Variants in NCS1 observed in about 807,000 individuals in gnomAD.
NCS1 encodes frequenin homolog.
Under a neutral mutation model 28.4 loss-of-function variants are expected in NCS1, and 6 were observed. The ratio of observed to expected loss-of-function variants is 0.21; its 90% CI spans 0.12 to 0.42. NCS1 has a LOEUF of 0.42. NCS1 is among the 10% of genes least tolerant of loss of function. The pLI is 1.00. For synonymous variants in NCS1, 86 were observed against 99.3 expected (o/e 0.87, Z 0.79); for missense variants, 131 against 241.4 (o/e 0.54, Z 3.03).
Position 130,177,512 on chromosome 9 carries a change from C to T in NCS1, c.64+4785C>T, listed in dbSNP as rs974194172. Among the ~76,000 whole-genome samples, 1 of 152,300 alleles carries T rather than the reference C, an allele frequency of 6.6e-6. No individual in the cohort carries two copies. Among genetic ancestry groups the T allele is most frequent in the African/African-American group, 2.4e-5 (1 of 41,570 alleles). ...CGGCCGTCCCTGTACATCCCGTGTG[C>T]GTGGGCATGAACCAAGGAGGCCTTT... On this transcript the variant is annotated intron_variant, in intron 1 of 7. Transcript: ENST00000372398. This position sits in a 1 kb window ranked among gnomAD's most constrained non-coding sequence, Gnocchi z 4.4.
At chr9:130,199,476 T>C (rs939649477) in intron 1 of NCS1, among the ~76,000 whole-genome samples, 4 of 152,224 alleles carry the variant, frequency 2.6e-5, no homozygotes, top group Admixed American at 1.3e-4. Context: ...AGGAGAGTGC[T>C]GACCAGCACG....
At position 130,192,745 on chromosome 9, in the gene NCS1, G is replaced by T. The variant is rs373252800; in HGVS notation, c.65-8213G>T. The stretch of plus-strand genomic sequence containing the variant: ...CCCAGGAGCCGGTGCTGCAGTGAGT[G>T]GGGGGAGTGATCTGAGGCCTTGTGT... On this transcript the variant is annotated intron_variant, in intron 1 of 7. Coordinates refer to ENST00000372398, the MANE Select transcript of NCS1 (RefSeq NM_014286.4). The surrounding 1 kb of genome is among the most constrained non-coding windows in gnomAD (Gnocchi z 4.8). Among the ~76,000 whole-genome samples, 75 of 152,264 alleles carry T rather than the reference G, an allele frequency of 4.9e-4. No individual in the cohort carries two copies. Among genetic ancestry groups the T allele is most frequent in the East Asian group, 4.1e-3 (21 of 5,176 alleles).
At chr9:130,176,676 C>T (rs901167558) in intron 1 of NCS1, among the ~76,000 whole-genome samples, 2 of 152,238 alleles carry the variant, frequency 1.3e-5, no homozygotes, top group Non-Finnish European at 2.9e-5. Context: ...CCTGCTCTTA[C>T]GTGTAGCGGC....
intron 2 of NCS1, among the ~76,000 whole-genome samples, chr9:130,208,217 T>G (rs1833054087): frequency 1.0e-5 from 1 of 98,668 alleles, no homozygotes; most frequent in African/African-American, 4.1e-5. Flanking sequence ...GTCGTGGGTG[T>G]GTGAGGTGGG....
At chr9:130,218,396 G>A (rs1833220581) in intron 3 of NCS1, among the ~76,000 whole-genome samples, 1 of 152,198 alleles carries the variant, frequency 6.6e-6, no homozygotes, top group Non-Finnish European at 1.5e-5. Flanking sequence ...ACTTGCAGGT[G>A]CACACACGTG....
Position 130,180,011 on chromosome 9 carries a change from CTATCTATCT to C in NCS1, c.64+7285_64+7293del, listed in dbSNP as rs1215279572. 1.5e-5 allele frequency among the ~76,000 whole-genome samples: 2 copies of C among 131,836 alleles called. No individual in the cohort carries two copies. Among genetic ancestry groups the C allele is most frequent in the Non-Finnish European group, 3.2e-5 (2 of 62,076 alleles). 86.5% of individuals were successfully genotyped at this position (131,836 alleles called of 152,430 possible). A position where few individuals can be genotyped will look rare whatever the true frequency, so the allele number is the denominator to read the frequency against. The stretch of plus-strand genomic sequence containing the variant: ...GCCTTCTTTTTATCTATCTATCTAT[CTATCTATCT>C]ATCTATCTATCTATCTATCTATCTA... On this transcript the variant is annotated intron_variant, in intron 1 of 7. Transcript: ENST00000372398. The surrounding 1 kb of genome is among the most constrained non-coding windows in gnomAD (Gnocchi z 4.5).
chr9:130,188,423 CTTTT>C (rs34686734), intron 1 of NCS1, among the ~76,000 whole-genome samples: 7 of 138,204 alleles, frequency 5.1e-5, no homozygotes, highest in African/African-American at 1.1e-4. Flanking sequence ...CTGAACTTTC[CTTTT>C]TTTTTTTTTT....
rs375916759 is a variant in NCS1, at chr9:130,226,019, C to T, written c.475-370C>T. Among the ~76,000 whole-genome samples, 3 of 152,298 alleles carry T rather than the reference C, an allele frequency of 2.0e-5. No individual in the cohort carries two copies. Among genetic ancestry groups the T allele is most frequent in the East Asian group, 3.9e-4 (2 of 5,180 alleles). On this transcript the variant is annotated intron_variant, in intron 6 of 7. Transcript: ENST00000372398. This position sits in a 1 kb window ranked among gnomAD's most constrained non-coding sequence, Gnocchi z 4.8. Reference sequence around the variant, plus strand: ...CCAAGAGTGACCCCAGAGAACTGCACGAGGCTCTCAGCCTTGTCAGTTACT... The same window carrying T: ...CCAAGAGTGACCCCAGAGAACTGCATGAGGCTCTCAGCCTTGTCAGTTACT...
intron 2 of NCS1, among the ~76,000 whole-genome samples, chr9:130,216,959 A>C (rs553377051): frequency 7.1e-6 from 1 of 140,032 alleles, no homozygotes; most frequent in South Asian, 2.2e-4. Context: ...CCAGTTTGTG[A>C]ATTGGGTTTA....
Position 130,219,527 on chromosome 9 carries a change from C to G in NCS1, c.229-198C>G, listed in dbSNP as rs563126783. ...CTGGCCTCTCCCACTTCTAACCCCC[C>G]ACACAGTCCCCCAGCCTCTGCTCCC... On this transcript the variant is annotated intron_variant, in intron 3 of 7. Coordinates refer to ENST00000372398, the MANE Select transcript of NCS1 (RefSeq NM_014286.4). The surrounding 1 kb of genome is among the most constrained non-coding windows in gnomAD (Gnocchi z 5.7). Among the ~76,000 whole-genome samples, 7 of 151,972 alleles carry G rather than the reference C, an allele frequency of 4.6e-5. No homozygotes were observed. The highest frequency in any genetic ancestry group is 2.1e-4 in the South Asian group (1 of 4,810).
At chr9:130,188,680 G>A (rs907789733) in intron 1 of NCS1, among the ~76,000 whole-genome samples, 6 of 151,146 alleles carry the variant, frequency 4.0e-5, no homozygotes, top group African/African-American at 1.5e-4. Context: ...CAAAGTGCTG[G>A]GATTACAGGC....
Position 130,177,437 on chromosome 9 carries a change from C to T in NCS1, c.64+4710C>T, listed in dbSNP as rs1289437471. 4.6e-5 allele frequency among the ~76,000 whole-genome samples: 7 copies of T among 152,108 alleles called. No homozygotes were observed. Among genetic ancestry groups the T allele is most frequent in the East Asian group, 1.9e-4 (1 of 5,196 alleles). ...GGGACATGGAGGGCCCACAGCCAGG[C>T]ACAGGGTGAGCCACAAGGAGAGGAA... On this transcript the variant is annotated intron_variant, in intron 1 of 7. Transcript: ENST00000372398. The surrounding 1 kb of genome is among the most constrained non-coding windows in gnomAD (Gnocchi z 4.4).
In NCS1 at chr9:130,186,850, T is replaced by C. The variant is rs1832744967; in HGVS notation, c.65-14108T>C. ...GGTGCTGATGGCGGGAGGGCCCTGATGGCAGGAGGGCCCGTGCTGTGCTCA... is the reference window on the plus strand; with the variant it reads ...GGTGCTGATGGCGGGAGGGCCCTGACGGCAGGAGGGCCCGTGCTGTGCTCA... On this transcript the variant is annotated intron_variant, in intron 1 of 7. Coordinates refer to ENST00000372398, the MANE Select transcript of NCS1 (RefSeq NM_014286.4). This position sits in a 1 kb window ranked among gnomAD's most constrained non-coding sequence, Gnocchi z 4.1. Among the ~76,000 whole-genome samples, 1 of 152,174 alleles carries C rather than the reference T, an allele frequency of 6.6e-6. No individual in the cohort carries two copies. The highest frequency in any genetic ancestry group is 1.9e-4 in the East Asian group (1 of 5,184).
At chr9:130,188,021 G>A (rs1219948300) in intron 1 of NCS1, among the ~76,000 whole-genome samples, 1 of 152,246 alleles carries the variant, frequency 6.6e-6, no homozygotes, top group South Asian at 2.1e-4. Context: ...GGGAGATGGG[G>A]GGTGGTGGCC....
Position 130,233,520 on chromosome 9 carries a change from C to G in NCS1, c.*548C>G, listed in dbSNP as rs1833526987. The G allele has an allele frequency of 6.6e-6, 1 of 152,542 alleles. No individual in the cohort carries two copies. The highest frequency in any genetic ancestry group is 1.5e-5 in the Non-Finnish European group (1 of 68,038). 9.4% of individuals were successfully genotyped at this position (152,542 alleles called of 1,614,324 possible). ...CGTTATTTGTCGTCCCATCTTTTGG[C>G]AGCAAAACCACCTGCGTGGCTAGGA... On this transcript the variant is annotated 3_prime_UTR_variant, in exon 8 of 8. Coordinates refer to ENST00000372398, the MANE Select transcript of NCS1 (RefSeq NM_014286.4). This position sits in a 1 kb window ranked among gnomAD's most constrained non-coding sequence, Gnocchi z 4.8.
chr9:130,189,685 T>C (rs1413069316), intron 1 of NCS1, among the ~76,000 whole-genome samples: 18 of 151,364 alleles, frequency 1.2e-4, no homozygotes, highest in African/African-American at 4.1e-4. Context: ...CTACTAAAAA[T>C]ACAAAAATTA....
At chr9:130,204,612 C>T (rs1322978519) in intron 2 of NCS1, among the ~76,000 whole-genome samples, 1 of 152,216 alleles carries the variant, frequency 6.6e-6, no homozygotes, top group African/African-American at 2.4e-5. Context: ...CTGACTTGCC[C>T]ACTTCCTGGC....
rs1036694193 is a variant in NCS1, at chr9:130,233,446, G to A, written c.*474G>A. 9 of 152,506 alleles carry A rather than the reference G, an allele frequency of 5.9e-5. No homozygotes were observed. The highest frequency in any genetic ancestry group is 1.2e-4 in the African/African-American group (5 of 41,422). 9.4% of individuals were successfully genotyped at this position (152,506 alleles called of 1,614,324 possible). A position where few individuals can be genotyped will look rare whatever the true frequency, so the allele number is the denominator to read the frequency against. ...CCTCGTCCCTCGTCCTTCGGCAGCC[G>A]GAGAGGCTGTGGGTGGGCCGAGGGT... On this transcript the variant is annotated 3_prime_UTR_variant, in exon 8 of 8. Transcript: ENST00000372398. The surrounding 1 kb of genome is among the most constrained non-coding windows in gnomAD (Gnocchi z 4.8).
chr9:130,231,908 G>A (rs1249410297), intron 7 of NCS1, among the ~76,000 whole-genome samples: 6 of 151,814 alleles, frequency 4.0e-5, no homozygotes, highest in African/African-American at 1.5e-4. Flanking sequence ...CATCCTAGTG[G>A]GTGTGAAGTG....
Sources: gnomAD v4.1 joint callset for allele counts (sites outside exome capture counted in the v4.1 genomes callset) on GRCh38, gnomAD v4.1.1 for gene constraint, Gnocchi (gnomAD v3.1) non-coding constraint, MANE v1.5 for transcripts, NCBI Gene and HGNC (gene_info 2026-07-23, HGNC 2026-07-21) for gene names.